Variants in GDI2 observed in about 807,000 individuals in gnomAD.
GDI2 encodes the protein rab GDP dissociation inhibitor beta.
Under a neutral mutation model 54.2 loss-of-function variants are expected in GDI2, and 22 were observed. The ratio of observed to expected loss-of-function variants is 0.41; its 90% CI spans 0.29 to 0.58. The LOEUF is 0.58. Ranked by LOEUF, GDI2 falls within the 20% of genes least tolerant of loss-of-function variation. GDI2 has a pLI of 0.35. For synonymous variants in GDI2, 177 were observed against 182.1 expected (o/e 0.97, Z 0.23); for missense variants, 422 against 546.0 (o/e 0.77, Z 2.26).
At chr10:5,802,729 A>C (rs766222982) in intron 1 of GDI2, among the ~76,000 whole-genome samples, 9 of 152,242 alleles carry the variant, frequency 5.9e-5, no homozygotes, top group Non-Finnish European at 1.2e-4. Context: ...GATAATGTAA[A>C]ATGAAACATG....
intron 7 of GDI2, among the ~76,000 whole-genome samples, chr10:5,770,737 A>G (rs11255085): frequency 0.54 from 82,107 of 151,620 alleles, 22,882 homozygotes; most frequent in Middle Eastern, 0.66. Context: ...AGGCCGAGGC[A>G]GGCAGATCAC....
chr10:5,765,882 G>C lies in GDI2; in HGVS notation c.*124C>G, dbSNP rs1003078646. ...AGAAAGGTGAAGGGGAGTATTTACT[G>C]GCACAGCGCTCTTCATTCTCTCCAT... On this transcript the variant is annotated 3_prime_UTR_variant, in exon 11 of 11. Coordinates refer to ENST00000380191, the MANE Select transcript of GDI2 (RefSeq NM_001494.4). The C allele has an allele frequency of 8.6e-6, 6 of 698,424 alleles. No homozygotes were observed. The highest frequency in any genetic ancestry group is 1.4e-5 in the Non-Finnish European group (6 of 423,636). The allele number at this position is 698,424 out of a possible 1,614,324, so 43.3% of individuals were successfully genotyped here.
intron 4 of GDI2, among the ~76,000 whole-genome samples, chr10:5,791,383 G>A (rs1384549693): frequency 1.3e-5 from 2 of 152,114 alleles, no homozygotes; most frequent in African/African-American, 2.4e-5. Flanking sequence ...GCCAAGGTGG[G>A]CAGATCACTT....
chr10:5,807,478 T>C (rs1841400171), intron 1 of GDI2, among the ~76,000 whole-genome samples: 1 of 152,196 alleles, frequency 6.6e-6, no homozygotes, highest in Admixed American at 6.5e-5. Context: ...ATGTAACAGG[T>C]AAGAGTACCC....
At position 5,766,361 on chromosome 10, in the gene GDI2, C is replaced by A; in HGVS notation, c.1137-66G>T. 2 of 1,497,998 alleles carry A rather than the reference C, an allele frequency of 1.3e-6. No homozygotes were observed. The highest frequency in any genetic ancestry group is 2.3e-5 in the South Asian group (2 of 88,692). The allele number at this position is 1,497,998 out of a possible 1,614,324, so 92.8% of individuals were successfully genotyped here. A position where few individuals can be genotyped will look rare whatever the true frequency, so the allele number is the denominator to read the frequency against. On this transcript the variant is annotated intron_variant, in intron 9 of 10. Coordinates refer to ENST00000380191, the MANE Select transcript of GDI2 (RefSeq NM_001494.4). This position sits in a 1 kb window ranked among gnomAD's most constrained non-coding sequence, Gnocchi z 5.8. ...ACCTGACCATGGCTCTGCCTGAGGTCAACTGAGAGGTACAGATGAATCCCA... is the reference window on the plus strand; with the variant it reads ...ACCTGACCATGGCTCTGCCTGAGGTAAACTGAGAGGTACAGATGAATCCCA...
chr10:5,795,951 A>C (rs1236580174), intron 3 of GDI2, among the ~76,000 whole-genome samples: 1 of 151,996 alleles, frequency 6.6e-6, no homozygotes, highest in African/African-American at 2.4e-5. Flanking sequence ...CAAACAATAG[A>C]ATATAAACTC....
At chr10:5,800,894 C>T (rs1841255302) in intron 1 of GDI2, among the ~76,000 whole-genome samples, 189 bp from the exon 2 acceptor site, 1 of 152,082 alleles carries the variant, frequency 6.6e-6, no homozygotes, top group Non-Finnish European at 1.5e-5. Context: ...CCTATGCATC[C>T]CAAGATTAAA....
rs747690477 is a variant in GDI2 at position 5,768,387 on chromosome 10, A to C, written c.820-3T>G. 6.2e-7 allele frequency: 1 copy of C among 1,600,386 alleles called. No homozygotes were observed. Among genetic ancestry groups the C allele is most frequent in the Non-Finnish European group, 8.6e-7 (1 of 1,167,692 alleles). On this transcript the variant is annotated splice_polypyrimidine_tract_variant and splice_region_variant and intron_variant, in intron 7 of 10. Coordinates refer to ENST00000380191, the MANE Select transcript of GDI2 (RefSeq NM_001494.4). The surrounding 1 kb of genome is among the most constrained non-coding windows in gnomAD (Gnocchi z 4.4). Reference sequence around the variant, plus strand: ...ATGAGCTGCTTACAGCGAGCAATCTATAACAAAGCATTTAAGAAGACACTG... The same window carrying C: ...ATGAGCTGCTTACAGCGAGCAATCTCTAACAAAGCATTTAAGAAGACACTG...
chr10:5,810,417 T>C (rs1564401270), intron 1 of GDI2, among the ~76,000 whole-genome samples: 1 of 152,194 alleles, frequency 6.6e-6, no homozygotes, highest in African/African-American at 2.4e-5. Flanking sequence ...GTGCAAATTA[T>C]GTGGTGAGAG....
chr10:5,771,622 A>G (rs1460677915), intron 7 of GDI2, among the ~76,000 whole-genome samples: 1 of 146,238 alleles, frequency 6.8e-6, no homozygotes, highest in African/African-American at 2.4e-5. Context: ...TGTACTCTAC[A>G]TAGACTAAAA....
intron 4 of GDI2, 61 bp from the exon 5 acceptor site, chr10:5,786,111 T>C (rs1222849815): frequency 1.8e-6 from 2 of 1,081,772 alleles, no homozygotes; most frequent in South Asian, 1.3e-5. Flanking sequence ...GAGAACGAAG[T>C]ATGAGAGCAA....
Position 5,768,171 on chromosome 10 carries a change from C to T in GDI2, c.991+42G>A. 1 of 1,536,478 alleles carries T rather than the reference C, an allele frequency of 6.5e-7. No homozygotes were observed. The highest frequency in any genetic ancestry group is 1.1e-5 in the South Asian group (1 of 88,220). On this transcript the variant is annotated intron_variant, in intron 8 of 10. Transcript: ENST00000380191. This position sits in a 1 kb window ranked among gnomAD's most constrained non-coding sequence, Gnocchi z 4.4. The stretch of plus-strand genomic sequence containing the variant: ...GGATAAAACACAAAGCAAATTATAT[C>T]TTACAAAATTCTACCAACATCTGCT...
chr10:5,780,889 A>G (rs1840739142), intron 6 of GDI2, among the ~76,000 whole-genome samples: 1 of 152,194 alleles, frequency 6.6e-6, no homozygotes, highest in South Asian at 2.1e-4. Context: ...GTTTTCTAGA[A>G]ATTGACAACC....
At position 5,776,371 on chromosome 10, in the gene GDI2, A is replaced by C; in HGVS notation, c.720-2430T>G. ...GCAGAGAGCCAGAGCCCCCTTTCTCAGAAGCACAGCCCTTTCACAGAGAAA... is the reference window on the plus strand; with the variant it reads ...GCAGAGAGCCAGAGCCCCCTTTCTCCGAAGCACAGCCCTTTCACAGAGAAA... On this transcript the variant is annotated intron_variant, in intron 6 of 10. Coordinates refer to ENST00000380191, the MANE Select transcript of GDI2 (RefSeq NM_001494.4). The surrounding 1 kb of genome is among the most constrained non-coding windows in gnomAD (Gnocchi z 5.3). The C allele has an allele frequency of 1.4e-6, 1 of 699,354 alleles. No individual in the cohort carries two copies. 43.3% of individuals were successfully genotyped at this position (699,354 alleles called of 1,614,324 possible). A position where few individuals can be genotyped will look rare whatever the true frequency, so the allele number is the denominator to read the frequency against.
chr10:5,810,727 C>T (rs779684535), intron 1 of GDI2, among the ~76,000 whole-genome samples: 1 of 152,198 alleles, frequency 6.6e-6, no homozygotes, highest in Non-Finnish European at 1.5e-5. Flanking sequence ...AAGCTGTGCT[C>T]TTTAGAGATA....
At chr10:5,812,218 A>G (rs966643981) in intron 1 of GDI2, among the ~76,000 whole-genome samples, 10 of 152,048 alleles carry the variant, frequency 6.6e-5, no homozygotes, top group Admixed American at 2.0e-4. Flanking sequence ...AAAAAAAAAA[A>G]AAGAACAGAA....
intron 6 of GDI2, among the ~76,000 whole-genome samples, chr10:5,780,959 G>C (rs1840740986): frequency 6.6e-6 from 1 of 152,062 alleles, no homozygotes; most frequent in South Asian, 2.1e-4. Context: ...AGAAAAAGTT[G>C]GCGAAAGTGT....
chr10:5,809,419 C>T (rs1293573167), intron 1 of GDI2, among the ~76,000 whole-genome samples: 3 of 152,190 alleles, frequency 2.0e-5, no homozygotes, highest in Non-Finnish European at 4.4e-5. Flanking sequence ...ACTCCCCATT[C>T]CCTACATACA....
chr10:5,766,188 AG>A lies in GDI2; in HGVS notation c.1192-37del. 1 of 1,611,406 alleles carries A rather than the reference AG, an allele frequency of 6.2e-7. No individual in the cohort carries two copies. Among genetic ancestry groups the A allele is most frequent in the Non-Finnish European group, 8.5e-7 (1 of 1,177,442 alleles). ...AAATTACGAAGACTTAAGACCATGGAGGGATGTCTTCCAGTGAAACCTGCCC... is the reference window on the plus strand; with the variant it reads ...AAATTACGAAGACTTAAGACCATGGAGGATGTCTTCCAGTGAAACCTGCCC... On this transcript the variant is annotated intron_variant, in intron 10 of 10. Transcript: ENST00000380191. This position sits in a 1 kb window ranked among gnomAD's most constrained non-coding sequence, Gnocchi z 5.8.
Sources: gnomAD v4.1 joint callset for allele counts (sites outside exome capture counted in the v4.1 genomes callset) on GRCh38, gnomAD v4.1.1 for gene constraint, Gnocchi (gnomAD v3.1) non-coding constraint, MANE v1.5 for transcripts, NCBI Gene and HGNC (gene_info 2026-07-23, HGNC 2026-07-21) for gene names.